The following PCDHGA8 variants were observed in gnomAD, a reference collection of about 807,000 sequenced individuals.
The protein encoded by PCDHGA8 is protocadherin gamma subfamily A, 8, also known as protocadherin gamma-A8.
PCDHGA8 carries 45 observed loss-of-function variants against 59.2 expected under a neutral mutation model. The ratio of observed to expected loss-of-function variants is 0.76; its 90% confidence interval spans 0.60 to 0.98. The LOEUF (loss-of-function observed/expected upper bound fraction) is 0.98, where lower values mean the gene tolerates loss of function less well. Ranked by LOEUF, PCDHGA8 falls within the 50% of genes least tolerant of loss-of-function variation. The probability of loss-of-function intolerance (pLI) is 0.00; values close to 1 mark genes in which losing one functional copy is unlikely to be tolerated. For synonymous variants in PCDHGA8, 531 were observed against 519.0 expected (o/e 1.02, Z -0.32); for missense variants, 1,257 against 1,196.2 (o/e 1.05, Z -0.75).
chr5:141,490,232 A>G lies in PCDHGA8; in HGVS notation c.2425-4575A>G. 6.2e-7 allele frequency: 1 copy of G among 1,614,216 alleles called. No homozygotes were observed. Among genetic ancestry groups the G allele is most frequent in the Non-Finnish European group, 8.5e-7 (1 of 1,180,032 alleles). ...CGTGACCAGGGACAGCCTGCCATGG[A>G]GGGCCACTGTGTGATTCAAGTGGAT... On this transcript the variant is annotated intron_variant, in intron 1 of 3. Transcript: ENST00000398604. This position sits in a 1 kb window ranked among gnomAD's most constrained non-coding sequence, Gnocchi z 5.4.
chr5:141,440,328 T>G (rs1311315077), intron 1 of PCDHGA8: 1 of 152,102 alleles, frequency 6.6e-6, no homozygotes. Context: ...TTACTGGGCA[T>G]GGTGGTGCAG....
intron 1 of PCDHGA8, among the ~76,000 whole-genome samples, chr5:141,433,513 C>T (rs2097615953): frequency 6.6e-6 from 1 of 152,066 alleles, no homozygotes; most frequent in Non-Finnish European, 1.5e-5. Flanking sequence ...GGATTACAGG[C>T]GTGAACCACA....
intron 1 of PCDHGA8, chr5:141,410,614 G>A: frequency 6.2e-7 from 1 of 1,604,858 alleles, no homozygotes; most frequent in South Asian, 1.1e-5. Flanking sequence ...CTGAGACTCT[G>A]ACTTCGGTGA....
chr5:141,427,895 G>T (rs539406412), intron 1 of PCDHGA8: 3 of 1,569,228 alleles, frequency 1.9e-6, no homozygotes, highest in South Asian at 2.2e-5. Context: ...ACCAGGGCTC[G>T]CCCGCGCTCA....
Position 141,485,057 on chromosome 5 carries a change from C to A in PCDHGA8, c.2425-9750C>A, listed in dbSNP as rs2099605934. ...GTAACCCTTGCGGCGCCGGCCGAACCGCGCCAGAGCTGGCGCGGGGAAAGG... is the reference window on the plus strand; with the variant it reads ...GTAACCCTTGCGGCGCCGGCCGAACAGCGCCAGAGCTGGCGCGGGGAAAGG... On this transcript the variant is annotated intron_variant, in intron 1 of 3. Coordinates refer to ENST00000398604, the MANE Select transcript of PCDHGA8 (RefSeq NM_032088.2). The surrounding 1 kb of genome is among the most constrained non-coding windows in gnomAD (Gnocchi z 5.7). The A allele has an allele frequency of 2.4e-6, 2 of 843,718 alleles. No homozygotes were observed. Among genetic ancestry groups the A allele is most frequent in the South Asian group, 1.7e-5 (1 of 59,950 alleles). 52.3% of individuals were successfully genotyped at this position (843,718 alleles called of 1,614,324 possible).
Position 141,490,754 on chromosome 5 carries a change from CCTT to C in PCDHGA8, c.2425-4052_2425-4050del, listed in dbSNP as rs775582875. ...CAGGTTCAGGGAGCCCCAGCCTCCT[CCTT>C]TGTGTATGTCAACCCAGAGGATGGA... On this transcript the variant is annotated intron_variant, in intron 1 of 3. Transcript: ENST00000398604. The surrounding 1 kb of genome is among the most constrained non-coding windows in gnomAD (Gnocchi z 5.4). 3.1e-6 allele frequency: 5 copies of C among 1,614,200 alleles called. No individual in the cohort carries two copies. The highest frequency in any genetic ancestry group is 3.4e-6 in the Non-Finnish European group (4 of 1,180,038).
intron 2 of PCDHGA8, among the ~76,000 whole-genome samples, chr5:141,500,985 C>T (rs2099804537): frequency 6.6e-6 from 1 of 152,048 alleles, no homozygotes; most frequent in Non-Finnish European, 1.5e-5. Flanking sequence ...TCTCCTGCCT[C>T]AGCCTCCTGA....
chr5:141,420,496 G>T, intron 1 of PCDHGA8: 1 of 495,924 alleles, frequency 2.0e-6, no homozygotes, highest in Non-Finnish European at 3.1e-6. Context: ...GTAATCTCCG[G>T]TGACATTTTT....
chr5:141,428,025 G>C, intron 1 of PCDHGA8: 1 of 1,606,426 alleles, frequency 6.2e-7, no homozygotes, highest in Non-Finnish European at 8.5e-7. Flanking sequence ...ACGCGCCGCA[G>C]AGTCCGGCTA....
chr5:141,421,455 C>A (rs762490406), intron 1 of PCDHGA8: 1 of 1,614,108 alleles, frequency 6.2e-7, no homozygotes, highest in South Asian at 1.1e-5. Flanking sequence ...CACAGCTTTT[C>A]GCTGTGAATC....
At chr5:141,409,840 G>A (rs1361942011) in intron 1 of PCDHGA8, 3 of 1,611,558 alleles carry the variant, frequency 1.9e-6, no homozygotes, top group African/African-American at 1.3e-5. Flanking sequence ...GCGCCAACGT[G>A]AGCCTGCGCG....
intron 1 of PCDHGA8, chr5:141,423,165 C>T (rs1307049367): frequency 6.8e-6 from 11 of 1,613,434 alleles, no homozygotes; most frequent in Admixed American, 3.3e-5. Context: ...TCGTGGTGGC[C>T]GTCCAGGACC....
intron 1 of PCDHGA8, among the ~76,000 whole-genome samples, chr5:141,446,280 A>G (rs1011084291): frequency 2.6e-5 from 4 of 152,162 alleles, no homozygotes; most frequent in South Asian, 2.1e-4. Context: ...AATACAATGG[A>G]TAAATGGGGA....
At chr5:141,423,702 C>T in intron 1 of PCDHGA8, 4 of 1,340,970 alleles carry the variant, frequency 3.0e-6, no homozygotes, top group South Asian at 1.6e-5. Flanking sequence ...GGTGTCTTGG[C>T]ACAAGTCTTT....
chr5:141,491,861 C>A lies in PCDHGA8; in HGVS notation c.2425-2946C>A. ...GGATCATTGGACCGTTTGCGCGAAA[C>A]CAGAGTGGCCGATTAAGGGATGGGG... On this transcript the variant is annotated intron_variant, in intron 1 of 3. Transcript: ENST00000398604. The surrounding 1 kb of genome is among the most constrained non-coding windows in gnomAD (Gnocchi z 6.9). 6.9e-7 allele frequency: 1 copy of A among 1,455,272 alleles called. No homozygotes were observed. The highest frequency in any genetic ancestry group is 9.1e-7 in the Non-Finnish European group (1 of 1,100,930). The allele number at this position is 1,455,272 out of a possible 1,614,324, so 90.1% of individuals were successfully genotyped here.
chr5:141,438,392 ATTAAC>A (rs1296512476), intron 1 of PCDHGA8, among the ~76,000 whole-genome samples: 3 of 151,714 alleles, frequency 2.0e-5, no homozygotes, highest in African/African-American at 7.3e-5. Context: ...TTAGTTCATC[ATTAAC>A]TCTCTGAAGT....
Position 141,486,219 on chromosome 5 carries a change from A to G in PCDHGA8, c.2425-8588A>G. 1 of 1,614,134 alleles carries G rather than the reference A, an allele frequency of 6.2e-7. No individual in the cohort carries two copies. Among genetic ancestry groups the G allele is most frequent in the African/African-American group, 1.3e-5 (1 of 75,042 alleles). ...CTGGACGTAAATGACAATGCCCCTT[A>G]CATCACAGTGACCTCAGAGCTTGGA... On this transcript the variant is annotated intron_variant, in intron 1 of 3. Transcript: ENST00000398604. This position sits in a 1 kb window ranked among gnomAD's most constrained non-coding sequence, Gnocchi z 5.0.
At chr5:141,418,563 C>A (rs2096269554) in intron 1 of PCDHGA8, 2 of 1,613,998 alleles carry the variant, frequency 1.2e-6, no homozygotes, top group Non-Finnish European at 1.7e-6. Context: ...GTAATAGATG[C>A]CAATGACAAC....
At position 141,477,210 on chromosome 5, in the gene PCDHGA8, C is replaced by G. The variant is rs780852225; in HGVS notation, c.2425-17597C>G. 1.2e-6 allele frequency: 2 copies of G among 1,614,142 alleles called. No individual in the cohort carries two copies. The highest frequency in any genetic ancestry group is 1.7e-6 in the Non-Finnish European group (2 of 1,180,030). On this transcript the variant is annotated intron_variant, in intron 1 of 3. Coordinates refer to ENST00000398604, the MANE Select transcript of PCDHGA8 (RefSeq NM_032088.2). The surrounding 1 kb of genome is among the most constrained non-coding windows in gnomAD (Gnocchi z 4.9). ...GTGTACAGCCCAGTACCCGAGGATG[C>G]CCCTCTGGGGACTGTCATCGCTTTG...
Sources: allele counts gnomAD v4.1 joint callset (sites outside exome capture counted in the v4.1 genomes callset), GRCh38; gene constraint gnomAD v4.1.1; non-coding constraint Gnocchi (gnomAD v3.1); transcripts MANE v1.5; gene names NCBI Gene and HGNC (gene_info 2026-07-23, HGNC 2026-07-21).